ATXN7L1: variants seen among roughly 807,000 people sequenced by gnomAD.
ATXN7L1 encodes ataxin-7-like protein 1.
ATXN7L1 carries 15 observed loss-of-function variants against 70.8 expected under a neutral mutation model. The observed-to-expected ratio is 0.21, with a 90% CI of 0.14 to 0.33. ATXN7L1 has a LOEUF of 0.33. ATXN7L1 is among the 10% of genes least tolerant of loss of function. The pLI is 1.00. For synonymous variants in ATXN7L1, 440 were observed against 445.1 expected (o/e 0.99, Z 0.14); for missense variants, 975 against 1,097.1 (o/e 0.89, Z 1.57).
chr7:105,733,676 A>G (rs1157719423), intron 3 of ATXN7L1, among the ~76,000 whole-genome samples: 1 of 125,124 alleles, frequency 8.0e-6, no homozygotes. Context: ...CCATCCATCC[A>G]TCCACCCATC....
rs551335076 is a variant in ATXN7L1, at chr7:105,626,586, C to T, written c.1203-2319G>A. On this transcript the variant is annotated intron_variant, in intron 7 of 11. Transcript: ENST00000419735. ...CAATTTATAGTGGACTATCACCTTC[C>T]TGTACTATAAAAACAAAGCTGCCAT... 2.0e-5 allele frequency among the ~76,000 whole-genome samples: 3 copies of T among 152,288 alleles called. No homozygotes were observed. In the South Asian group the frequency reaches 6.2e-4, roughly 32 times the overall value.
At chr7:105,727,123 G>C (rs1048713942) in intron 3 of ATXN7L1, among the ~76,000 whole-genome samples, 33 of 152,148 alleles carry the variant, frequency 2.2e-4, no homozygotes, top group African/African-American at 8.0e-4. Context: ...TATACCAATG[G>C]GCAATTTGAC....
At chr7:105,867,712 A>G (rs550117699) in intron 2 of ATXN7L1, among the ~76,000 whole-genome samples, 117 of 152,382 alleles carry the variant, frequency 7.7e-4, no homozygotes, top group African/African-American at 2.6e-3. Flanking sequence ...ACACATGGAC[A>G]GATATTGGCA....
intron 3 of ATXN7L1, among the ~76,000 whole-genome samples, chr7:105,695,021 G>A (rs971792718): frequency 3.9e-5 from 6 of 152,118 alleles, no homozygotes; most frequent in African/African-American, 1.2e-4. Context: ...CGTGGTGGCC[G>A]GTGCCTGTAG....
At chr7:105,821,826 C>T (rs1164087443) in intron 2 of ATXN7L1, among the ~76,000 whole-genome samples, 2 of 152,256 alleles carry the variant, frequency 1.3e-5, no homozygotes, top group East Asian at 3.8e-4. Flanking sequence ...GTGATTGTTG[C>T]TCCTGTGCTC....
intron 5 of ATXN7L1, among the ~76,000 whole-genome samples, chr7:105,640,378 CA>C (rs1797997748): frequency 1.3e-5 from 2 of 152,200 alleles, no homozygotes; most frequent in South Asian, 4.1e-4. Context: ...CAGGCTTCCC[CA>C]GCTCCTGCCT....
intron 4 of ATXN7L1, among the ~76,000 whole-genome samples, chr7:105,661,083 G>A (rs1369256625): frequency 1.3e-5 from 2 of 152,194 alleles, no homozygotes; most frequent in Non-Finnish European, 2.9e-5. Flanking sequence ...TATGCACTGT[G>A]AGAGGATGCC....
chr7:105,735,189 A>T (rs533100977), intron 3 of ATXN7L1, among the ~76,000 whole-genome samples: 115 of 152,276 alleles, frequency 7.6e-4, no homozygotes, highest in Non-Finnish European at 1.3e-3. Context: ...TAATAACAAC[A>T]TCTACAATAA....
chr7:105,617,490 C>G (rs1794089572), intron 9 of ATXN7L1, among the ~76,000 whole-genome samples: 1 of 152,190 alleles, frequency 6.6e-6, no homozygotes, highest in Non-Finnish European at 1.5e-5. Flanking sequence ...CTATCCTTTT[C>G]TTGCCTCACT....
intron 3 of ATXN7L1, among the ~76,000 whole-genome samples, chr7:105,714,280 G>A (rs1303299142): frequency 6.6e-6 from 1 of 152,328 alleles, no homozygotes; most frequent in East Asian, 1.9e-4. Context: ...TATTCCAGAT[G>A]GAGCCCACAG....
rs909317623 is a variant in ATXN7L1 at position 105,641,479 on chromosome 7, A to G, written c.862+1359T>C. Among the ~76,000 whole-genome samples, 3 of 152,094 alleles carry G rather than the reference A, an allele frequency of 2.0e-5. 1 individual carries two copies. The highest frequency in any genetic ancestry group is 2.0e-4 in the Admixed American group (3 of 15,278). On this transcript the variant is annotated intron_variant, in intron 5 of 11. Coordinates refer to ENST00000419735, the MANE Select transcript of ATXN7L1 (RefSeq NM_020725.2). ...AGAAACAAGCAAAAGACCCGACGAAACAAGACAACCCACAAAATGCAAAAA... is the reference window on the plus strand; with the variant it reads ...AGAAACAAGCAAAAGACCCGACGAAGCAAGACAACCCACAAAATGCAAAAA...
At position 105,788,546 on chromosome 7, in the gene ATXN7L1, G is replaced by T. The variant is rs1024179377; in HGVS notation, c.355+58C>A. ...ACCCTGTCGGGGAGCCCAGGGGAAG[G>T]CGACTGTCCCCAGGGCGGCAGCTGC... On this transcript the variant is annotated intron_variant, in intron 3 of 11. Coordinates refer to ENST00000419735, the MANE Select transcript of ATXN7L1 (RefSeq NM_020725.2). 25 of 1,401,990 alleles carry T rather than the reference G, an allele frequency of 1.8e-5. 1 individual carries two copies. The highest frequency in any genetic ancestry group is 2.5e-5 in the Non-Finnish European group (25 of 987,804). The allele number at this position is 1,401,990 out of a possible 1,614,324, so 86.8% of individuals were successfully genotyped here. A position where few individuals can be genotyped will look rare whatever the true frequency, so the allele number is the denominator to read the frequency against.
chr7:105,682,493 T>C (rs1805669270), intron 3 of ATXN7L1, among the ~76,000 whole-genome samples: 1 of 152,172 alleles, frequency 6.6e-6, no homozygotes, highest in Non-Finnish European at 1.5e-5. Context: ...TCATAGCTGC[T>C]CTATTCATAA....
chr7:105,816,892 A>C (rs2116554075), intron 2 of ATXN7L1, among the ~76,000 whole-genome samples: 1 of 152,370 alleles, frequency 6.6e-6, no homozygotes, highest in East Asian at 1.9e-4. Flanking sequence ...GGCATGGGTC[A>C]CTTATCAGTA....
chr7:105,822,215 A>G (rs542787432), intron 2 of ATXN7L1, among the ~76,000 whole-genome samples: 1 of 152,258 alleles, frequency 6.6e-6, no homozygotes, highest in East Asian at 1.9e-4. Flanking sequence ...ACGTGGGAGG[A>G]TTGCTTGAGT....
intron 2 of ATXN7L1, among the ~76,000 whole-genome samples, chr7:105,795,787 A>G (rs1362853972): frequency 6.6e-6 from 1 of 152,176 alleles, no homozygotes; most frequent in Non-Finnish European, 1.5e-5. Context: ...CAAAACAGAC[A>G]ACCTTAAATT....
At chr7:105,682,401 A>C (rs772558037) in intron 3 of ATXN7L1, among the ~76,000 whole-genome samples, 1 of 152,232 alleles carries the variant, frequency 6.6e-6, no homozygotes. Flanking sequence ...TAGAATTACC[A>C]TATGGACCAA....
chr7:105,816,063 A>G (rs1283168992), intron 2 of ATXN7L1, among the ~76,000 whole-genome samples: 1 of 152,178 alleles, frequency 6.6e-6, no homozygotes, highest in African/African-American at 2.4e-5. Flanking sequence ...CTGACCATGA[A>G]TTTTGCCTAC....
chr7:105,724,569 G>C (rs192047094), intron 3 of ATXN7L1, among the ~76,000 whole-genome samples: 2,339 of 89,260 alleles, frequency 0.026, 92 homozygotes, highest in African/African-American at 0.1. Context: ...GCAAGACTCT[G>C]TCTCAAAAAA....
Sources: allele counts gnomAD v4.1 joint callset (sites outside exome capture counted in the v4.1 genomes callset), GRCh38; gene constraint gnomAD v4.1.1; transcripts MANE v1.5; gene names NCBI Gene and HGNC (gene_info 2026-07-23, HGNC 2026-07-21).